The following SLC24A2 variants were observed in gnomAD, a reference collection of about 807,000 sequenced individuals.
SLC24A2 encodes the protein sodium/potassium/calcium exchanger 2.
SLC24A2 carries 36 observed loss-of-function variants against 62.0 expected under a neutral mutation model. The observed-to-expected ratio is 0.58, with a 90% CI of 0.44 to 0.77. SLC24A2 has a LOEUF of 0.77. Among genes scored for constraint, SLC24A2 ranks in the 30% least tolerant of loss-of-function variants. The pLI, the probability that SLC24A2 is intolerant of heterozygous loss-of-function variation, is 0.00. For synonymous variants in SLC24A2, 358 were observed against 294.0 expected (o/e 1.22, Z -2.23); for missense variants, 846 against 817.9 (o/e 1.03, Z -0.42).
chr9:19,933,529 G>A, the SLC24A2 span, among the ~76,000 whole-genome samples: 994 of 152,078 alleles, frequency 6.5e-3, 16 homozygotes, highest in Middle Eastern at 0.031. Context: ...CAAAGAACGC[G>A]CCGGGGGTGG....
chr9:20,080,953 G>A, the SLC24A2 span, among the ~76,000 whole-genome samples: 16 of 152,168 alleles, frequency 1.1e-4, no homozygotes, highest in Admixed American at 2.6e-4. Context: ...AGTTAGAATG[G>A]CAATCATTAA....
intron 2 of SLC24A2, among the ~76,000 whole-genome samples, chr9:19,690,577 C>T (rs889404140): frequency 6.6e-6 from 1 of 152,104 alleles, no homozygotes; most frequent in African/African-American, 2.4e-5. Context: ...GACAGAAAAG[C>T]AAAGTTGAAT....
the SLC24A2 span, among the ~76,000 whole-genome samples, chr9:20,223,227 G>C: frequency 6.6e-6 from 1 of 152,102 alleles, no homozygotes; most frequent in East Asian, 1.9e-4. Flanking sequence ...CTTTAAAACA[G>C]CATTGAAGTA....
chr9:20,192,463 T>C, the SLC24A2 span, among the ~76,000 whole-genome samples: 1 of 152,086 alleles, frequency 6.6e-6, no homozygotes, highest in Non-Finnish European at 1.5e-5. Flanking sequence ...ATACATCTTG[T>C]AGAGGAGGAA....
the SLC24A2 span, among the ~76,000 whole-genome samples, chr9:20,188,707 G>C: frequency 6.6e-6 from 1 of 152,056 alleles, no homozygotes; most frequent in Non-Finnish European, 1.5e-5. Context: ...CTAGGATGAC[G>C]GGAGAAGAAG....
the SLC24A2 span, among the ~76,000 whole-genome samples, chr9:20,054,141 G>A: frequency 6.6e-6 from 1 of 151,670 alleles, no homozygotes; most frequent in Non-Finnish European, 1.5e-5. Flanking sequence ...TTCTTTAATG[G>A]TGATTTCTAG....
chr9:20,174,459 A>G, the SLC24A2 span, among the ~76,000 whole-genome samples: 1 of 152,246 alleles, frequency 6.6e-6, no homozygotes, highest in African/African-American at 2.4e-5. Context: ...TATACATCTG[A>G]CAAAGGACTA....
chr9:19,881,206 A>T, the SLC24A2 span, among the ~76,000 whole-genome samples: 8 of 152,194 alleles, frequency 5.3e-5, no homozygotes, highest in East Asian at 3.9e-4. Flanking sequence ...AACAGAGTTC[A>T]AAGACTGAGA....
intron 4 of SLC24A2, among the ~76,000 whole-genome samples, chr9:19,618,954 G>A (rs1329869718): frequency 6.6e-6 from 1 of 152,210 alleles, no homozygotes; most frequent in African/African-American, 2.4e-5. Context: ...AGTAACACTG[G>A]AAGTACACAA....
At chr9:20,241,229 T>C in the SLC24A2 span, among the ~76,000 whole-genome samples, 28 of 152,220 alleles carry the variant, frequency 1.8e-4, no homozygotes, top group Non-Finnish European at 3.7e-4. Flanking sequence ...CAAAAGAAAT[T>C]ACTCCCATAG....
At chr9:19,777,333 G>C (rs1443781934) in intron 2 of SLC24A2, among the ~76,000 whole-genome samples, 1 of 152,118 alleles carries the variant, frequency 6.6e-6, no homozygotes. Context: ...TATGAAATTG[G>C]AAAACATTAA....
At chr9:20,271,675 A>T in the SLC24A2 span, among the ~76,000 whole-genome samples, 14 of 151,932 alleles carry the variant, frequency 9.2e-5, no homozygotes, top group Non-Finnish European at 1.8e-4. Flanking sequence ...CAGATGTTGA[A>T]TTTTTTTTTA....
At chr9:19,941,800 G>A in the SLC24A2 span, among the ~76,000 whole-genome samples, 1 of 152,026 alleles carries the variant, frequency 6.6e-6, no homozygotes, top group Non-Finnish European at 1.5e-5. Flanking sequence ...CTGCCAGACC[G>A]TTCTGTTTCC....
chr9:19,552,792 C>T (rs1361433551), intron 7 of SLC24A2, among the ~76,000 whole-genome samples: 1 of 152,236 alleles, frequency 6.6e-6, no homozygotes, highest in Non-Finnish European at 1.5e-5. Context: ...GGATTAGCTC[C>T]TTTCTCCATC....
intron 2 of SLC24A2, among the ~76,000 whole-genome samples, chr9:19,687,651 G>T (rs554386817): frequency 6.6e-6 from 1 of 152,132 alleles, no homozygotes; most frequent in South Asian, 2.1e-4. Flanking sequence ...CCTGTTTGGG[G>T]TTTTACCTTT....
the SLC24A2 span, among the ~76,000 whole-genome samples, chr9:19,935,868 G>C: frequency 6.6e-6 from 1 of 152,162 alleles, no homozygotes; most frequent in African/African-American, 2.4e-5. Flanking sequence ...ATTACCCTGA[G>C]CCCTCGAAGC....
intron 4 of SLC24A2, among the ~76,000 whole-genome samples, chr9:19,615,047 C>T (rs1290739144): frequency 1.3e-5 from 2 of 152,152 alleles, no homozygotes; most frequent in African/African-American, 4.8e-5. Flanking sequence ...TAATAAAACG[C>T]AAACACTGCT....
upstream of SLC24A2, among the ~76,000 whole-genome samples, chr9:19,789,233 G>A (rs1396967335): frequency 6.6e-6 from 1 of 152,254 alleles, no homozygotes; most frequent in Non-Finnish European, 1.5e-5. Flanking sequence ...GTGGACGGGG[G>A]TCAGGATTTG....
Position 19,546,235 on chromosome 9 carries a change from G to C in SLC24A2, c.1479+3902C>G, listed in dbSNP as rs866029929. Reference sequence around the variant, plus strand: ...ATCCTTAGCAGAGCTTGAACGTTGTGCTCTCTTCAGAGCCAGTAGGCAGGG... The same window carrying C: ...ATCCTTAGCAGAGCTTGAACGTTGTCCTCTCTTCAGAGCCAGTAGGCAGGG... On this transcript the variant is annotated intron_variant, in intron 8 of 10. Transcript: ENST00000341998. 1.4e-4 allele frequency among the ~76,000 whole-genome samples: 21 copies of C among 152,324 alleles called. No homozygotes were observed. In the Middle Eastern group the frequency reaches 0.017, roughly 123 times the overall value.
Sources: gnomAD v4.1 joint callset for allele counts (sites outside exome capture counted in the v4.1 genomes callset) on GRCh38, gnomAD v4.1.1 for gene constraint, MANE v1.5 for transcripts, NCBI Gene and HGNC (gene_info 2026-07-23, HGNC 2026-07-21) for gene names.